The following NIBAN2 variants were observed in gnomAD, a reference collection of about 807,000 sequenced individuals.
NIBAN2 encodes protein Niban 2.
Under a neutral mutation model 81.8 loss-of-function variants are expected in NIBAN2, and 36 were observed. The ratio of observed to expected loss-of-function variants is 0.44; its 90% CI spans 0.34 to 0.58. The LOEUF is 0.58. Ranked by LOEUF, NIBAN2 falls within the 20% of genes least tolerant of loss-of-function variation. The pLI is 0.02. For synonymous variants in NIBAN2, 445 were observed against 441.6 expected (o/e 1.01, Z -0.10); for missense variants, 897 against 1,014.1 (o/e 0.88, Z 1.57).
intron 1 of NIBAN2, among the ~76,000 whole-genome samples, chr9:127,542,421 C>T (rs141431905): frequency 2.5e-3 from 375 of 152,296 alleles, no homozygotes; most frequent in African/African-American, 8.1e-3. Flanking sequence ...GGGCCTGGCA[C>T]GCAGTGGAAA....
At position 127,516,917 on chromosome 9, in the gene NIBAN2, T is replaced by C; in HGVS notation, c.913A>G (p.Ile305Val). The C allele has an allele frequency of 1.2e-6, 2 of 1,614,224 alleles. No homozygotes were observed. Among genetic ancestry groups the C allele is most frequent in the Non-Finnish European group, 1.7e-6 (2 of 1,180,030 alleles). ...QQVQPAMQAV[I>V]RTDMDQIITS... ...ATAATTTGGTCCATGTCAGTTCGGA[T>C]GACGGCCTGCATGGCCGGCTGCACC... The change falls in exon 8 of 14, where the codon ATC (isoleucine) becomes GTC (valine). Residue 305 changes from isoleucine (I) to valine (V), a missense_variant. By Grantham distance (29) the Ile-to-Val change is conservative (BLOSUM62 3). Around this residue, in one of 3 missense-constraint regions of NIBAN2, gnomAD observed 619 missense variants for 691.0 expected, o/e 0.90. Transcript: ENST00000373312.
At position 127,508,084 on chromosome 9, in the gene NIBAN2, G is replaced by A. The variant is rs773426577; in HGVS notation, c.1542+9C>T. On this transcript the variant is annotated intron_variant, in intron 12 of 13. Transcript: ENST00000373312. The surrounding 1 kb of genome is among the most constrained non-coding windows in gnomAD (Gnocchi z 6.4). ...GCCCAAACGGCTGGAGCAGGTGGGG[G>A]CTGCTCACCGACTTGCAGGTAGGGG... 92 of 1,611,752 alleles carry A rather than the reference G, an allele frequency of 5.7e-5. 1 individual carries two copies. In the South Asian group the frequency reaches 9.8e-4, roughly 17 times the overall value.
At chr9:127,535,247 T>C (rs1837253695) in intron 1 of NIBAN2, among the ~76,000 whole-genome samples, 2 of 152,152 alleles carry the variant, frequency 1.3e-5, no homozygotes, top group South Asian at 4.1e-4. Context: ...CTGCCATTGC[T>C]GTGAGGACTC....
intron 1 of NIBAN2, among the ~76,000 whole-genome samples, chr9:127,538,148 G>T (rs570453959): frequency 6.6e-6 from 1 of 152,254 alleles, no homozygotes; most frequent in Admixed American, 6.5e-5. Context: ...GTTGAATAAG[G>T]GGGTGCTCTG....
chr9:127,561,771 T>C (rs577573785), intron 1 of NIBAN2, among the ~76,000 whole-genome samples: 2 of 152,314 alleles, frequency 1.3e-5, no homozygotes, highest in South Asian at 4.1e-4. Context: ...ATTTTTGAGA[T>C]CAAAAGATTG....
In NIBAN2 at chr9:127,532,634, C is replaced by A. The variant is rs74812405; in HGVS notation, c.56-856G>T. On this transcript the variant is annotated intron_variant, in intron 1 of 13. Coordinates refer to ENST00000373312, the MANE Select transcript of NIBAN2 (RefSeq NM_022833.4). ...AAAAAAATTTAAAAAAATGGAGGGA[C>A]CTATCCGGATAGGTGCCAACAAACG... is the stretch of plus-strand genomic sequence containing the variant. Among the ~76,000 whole-genome samples, 600 of 151,862 alleles carry A rather than the reference C, an allele frequency of 4.0e-3. 7 individuals are homozygous for A. In the East Asian group the frequency reaches 0.047, roughly 12 times the overall value.
At chr9:127,521,205 C>T (rs1196998309) in intron 5 of NIBAN2, among the ~76,000 whole-genome samples, 2 of 152,228 alleles carry the variant, frequency 1.3e-5, no homozygotes, top group Non-Finnish European at 2.9e-5. Flanking sequence ...TCACTGTGCC[C>T]TACTTTTCCC....
intron 1 of NIBAN2, among the ~76,000 whole-genome samples, chr9:127,576,490 G>A (rs7875176): frequency 2.6e-5 from 4 of 152,020 alleles, no homozygotes; most frequent in African/African-American, 7.3e-5. Flanking sequence ...TAATGGAAGC[G>A]CCCGTTCATT....
intron 5 of NIBAN2, among the ~76,000 whole-genome samples, chr9:127,519,174 C>CA (rs398046914): frequency 0.081 from 3,186 of 39,124 alleles, 476 homozygotes; most frequent in East Asian, 0.55. Context: ...GACTCTGTCT[C>CA]AAAAAAAAAA....
chr9:127,507,002 G>A lies in NIBAN2; in HGVS notation c.2084C>T (p.Ala695Val). 3.1e-6 allele frequency: 5 copies of A among 1,595,512 alleles called. No homozygotes were observed. Among genetic ancestry groups the A allele is most frequent in the Non-Finnish European group, 4.3e-6 (5 of 1,169,754 alleles). Reference sequence around the variant, plus strand: ...AGGCAGGAGATGCTGGAGGGGTGAGGCAGGCGGCGAGGAGGCCTCGGGGGC... The same window carrying A: ...AGGCAGGAGATGCTGGAGGGGTGAGACAGGCGGCGAGGAGGCCTCGGGGGC... ...KAAPEASSPP[A>V]SPLQHLLPGK... Residue 695 changes from alanine to valine, a missense_variant, in exon 14 of 14, where the codon GCC becomes GTC. This residue lies in a region of NIBAN2 where 619 missense variants were observed against 691.0 expected (regional missense o/e 0.90). Coordinates refer to ENST00000373312, the MANE Select transcript of NIBAN2 (RefSeq NM_022833.4). This position sits in a 1 kb window ranked among gnomAD's most constrained non-coding sequence, Gnocchi z 6.8.
rs772604297 is a variant in NIBAN2, at chr9:127,508,551, C to G, written c.1318-13G>C. On this transcript the variant is annotated splice_polypyrimidine_tract_variant and intron_variant, in intron 10 of 13. Transcript: ENST00000373312. The surrounding 1 kb of genome is among the most constrained non-coding windows in gnomAD (Gnocchi z 6.4). ...CATTGTCCATTTGCTGCAGGGCATA[C>G]CGCGGACATGTGAAGCCCCCAGGGT... The G allele has an allele frequency of 3.1e-6, 5 of 1,607,502 alleles. No individual in the cohort carries two copies. The highest frequency in any genetic ancestry group is 4.3e-6 in the Non-Finnish European group (5 of 1,174,714).
Position 127,525,069 on chromosome 9 carries a change from T to A in NIBAN2, c.410A>T (p.Asn137Ile), listed in dbSNP as rs749743591. 2 of 1,613,316 alleles carry A rather than the reference T, an allele frequency of 1.2e-6. No individual in the cohort carries two copies. Among genetic ancestry groups the A allele is most frequent in the South Asian group, 2.2e-5 (2 of 91,052 alleles). ...GGGTGCTCCTTTACCTGGTAAGGAG[T>A]TGCCAATGAGCTCCAGGTATTGGTC... is the stretch of plus-strand genomic sequence containing the variant. The part of the protein sequence containing the change: ...SVDQYLELIG[N>I]SLPGTTAKSG... The change falls in exon 4 of 14, where the codon AAC becomes ATC. Residue 137 changes from asparagine (N) to isoleucine (I), a missense_variant. Asn to Ile is a moderately radical substitution (Grantham distance 149). Transcript: ENST00000373312.
chr9:127,567,412 A>T (rs1276876510), intron 1 of NIBAN2, among the ~76,000 whole-genome samples: 1 of 152,184 alleles, frequency 6.6e-6, no homozygotes, highest in Non-Finnish European at 1.5e-5. Flanking sequence ...CACGCTGGTC[A>T]GAGGCTAGAG....
rs1190735300 is a variant in NIBAN2, at chr9:127,536,831, G to A, written c.56-5053C>T. Reference sequence around the variant, plus strand: ...TGGCCATTGTCTACAGGGCCCCACAGGCCCCCTACCTCCCCTTAGAGGGCA... The same window carrying A: ...TGGCCATTGTCTACAGGGCCCCACAAGCCCCCTACCTCCCCTTAGAGGGCA... On this transcript the variant is annotated intron_variant, in intron 1 of 13. Coordinates refer to ENST00000373312, the MANE Select transcript of NIBAN2 (RefSeq NM_022833.4). This position sits in a 1 kb window ranked among gnomAD's most constrained non-coding sequence, Gnocchi z 4.0. Among the ~76,000 whole-genome samples, 1 of 152,198 alleles carries A rather than the reference G, an allele frequency of 6.6e-6. No homozygotes were observed. The highest frequency in any genetic ancestry group is 1.5e-5 in the Non-Finnish European group (1 of 68,014).
At chr9:127,527,346 G>A in intron 2 of NIBAN2, 24 bp from the exon 3 acceptor site, 1 of 1,608,736 alleles carries the variant, frequency 6.2e-7, no homozygotes, top group South Asian at 1.1e-5. Flanking sequence ...CGGGTGGGGA[G>A]TGAGGCCCAG....
In NIBAN2 at chr9:127,517,948, A is replaced by G. The variant is rs1197077111; in HGVS notation, c.590-7T>C. 3 of 1,581,870 alleles carry G rather than the reference A, an allele frequency of 1.9e-6. No individual in the cohort carries two copies. Among genetic ancestry groups the G allele is most frequent in the South Asian group, 1.2e-5 (1 of 86,374 alleles). The stretch of plus-strand genomic sequence containing the variant: ...TTGGAGTCCTCAGGGATTCCTGCCC[A>G]GGAGACGGAGGGAGAGAGGAGGTCA... On this transcript the variant is annotated splice_polypyrimidine_tract_variant and splice_region_variant and intron_variant, in intron 5 of 13. Coordinates refer to ENST00000373312, the MANE Select transcript of NIBAN2 (RefSeq NM_022833.4). This position sits in a 1 kb window ranked among gnomAD's most constrained non-coding sequence, Gnocchi z 4.0.
rs749903844 is a variant in NIBAN2, at chr9:127,508,221, G to A, written c.1435-21C>T. On this transcript the variant is annotated intron_variant, in intron 11 of 13. Transcript: ENST00000373312. This position sits in a 1 kb window ranked among gnomAD's most constrained non-coding sequence, Gnocchi z 6.4. Reference sequence around the variant, plus strand: ...TATTTCTGCAGGGAACAAGGGGGTCGGGGGTCTGCAGGTCAGTGGGCTCCA... The same window carrying A: ...TATTTCTGCAGGGAACAAGGGGGTCAGGGGTCTGCAGGTCAGTGGGCTCCA... 1.8e-5 allele frequency: 29 copies of A among 1,595,522 alleles called. No individual in the cohort carries two copies. In the African/African-American group the frequency reaches 3.2e-4, roughly 18 times the overall value.
Position 127,520,019 on chromosome 9 carries a change from G to A in NIBAN2, c.590-2078C>T, listed in dbSNP as rs1027903118. 5.9e-5 allele frequency among the ~76,000 whole-genome samples: 9 copies of A among 152,158 alleles called. 1 individual carries two copies. In the South Asian group the frequency reaches 1.2e-3, roughly 21 times the overall value. On this transcript the variant is annotated intron_variant, in intron 5 of 13. Transcript: ENST00000373312. ...AGGTGAGGCAGAGGGCCGGGACAGCGGGAGGGAGGCCAGCCAGCCTTGACC... is the reference window on the plus strand; with the variant it reads ...AGGTGAGGCAGAGGGCCGGGACAGCAGGAGGGAGGCCAGCCAGCCTTGACC...
At position 127,559,287 on chromosome 9, in the gene NIBAN2, A is replaced by G. The variant is rs1039835562; in HGVS notation, c.55+9533T>C. Among the ~76,000 whole-genome samples, 6 of 152,196 alleles carry G rather than the reference A, an allele frequency of 3.9e-5. No individual in the cohort carries two copies. Among genetic ancestry groups the G allele is most frequent in the Admixed American group, 2.6e-4 (4 of 15,278 alleles). On this transcript the variant is annotated intron_variant, in intron 1 of 13. Transcript: ENST00000373312. The surrounding 1 kb of genome is among the most constrained non-coding windows in gnomAD (Gnocchi z 4.0). The stretch of plus-strand genomic sequence containing the variant: ...CTTCAACGGCAAGATGGCCTCCTGC[A>G]ATGTGGAGGTGCTGCACCTGCTCTG...
Sources: gnomAD v4.1 joint callset for allele counts (sites outside exome capture counted in the v4.1 genomes callset) on GRCh38, gnomAD v4.1.1 for gene constraint, gnomAD v4.1.1 regional missense constraint, Gnocchi (gnomAD v3.1) non-coding constraint, MANE v1.5 for transcripts, NCBI Gene and HGNC (gene_info 2026-07-23, HGNC 2026-07-21) for gene names.